BTBD9: variants seen among roughly 807,000 people sequenced by gnomAD.
BTBD9 encodes BTB/POZ domain-containing protein 9.
A neutral mutation model predicts 64.3 loss-of-function variants in BTBD9; 49 were observed. That is an observed-to-expected ratio of 0.76 (90% CI 0.61 to 0.97). BTBD9 has a LOEUF of 0.97. BTBD9 is among the 50% of genes least tolerant of loss of function. The pLI is 0.00. For synonymous variants in BTBD9, 260 were observed against 274.7 expected (o/e 0.95, Z 0.53); for missense variants, 598 against 762.1 (o/e 0.78, Z 2.53).
At chr6:38,545,472 T>C (rs187690565) in intron 6 of BTBD9, among the ~76,000 whole-genome samples, 12 of 152,108 alleles carry the variant, frequency 7.9e-5, no homozygotes, top group African/African-American at 2.6e-4. Context: ...AACACTGAAT[T>C]GCACACTTTA....
intron 6 of BTBD9, among the ~76,000 whole-genome samples, chr6:38,446,310 T>A (rs1769276286): frequency 1.3e-5 from 2 of 152,098 alleles, no homozygotes; most frequent in South Asian, 4.1e-4. Context: ...CAACTAGTTT[T>A]TTTTTTTTTA....
intron 6 of BTBD9, among the ~76,000 whole-genome samples, chr6:38,463,082 C>T (rs571590066): frequency 7.9e-5 from 12 of 152,312 alleles, no homozygotes; most frequent in Non-Finnish European, 1.0e-4. Flanking sequence ...AGGCATGAGC[C>T]GATGCGCCTG....
intron 6 of BTBD9, among the ~76,000 whole-genome samples, chr6:38,394,665 GGA>G (rs369270510): frequency 8.7e-4 from 131 of 150,260 alleles, no homozygotes; most frequent in South Asian, 6.3e-3. Flanking sequence ...AGTCTAGGGG[GGA>G]AAAAAAAAAA....
intron 6 of BTBD9, among the ~76,000 whole-genome samples, chr6:38,542,063 C>CTTG (rs1774305581): frequency 6.6e-6 from 1 of 152,174 alleles, no homozygotes; most frequent in Non-Finnish European, 1.5e-5. Flanking sequence ...TATGACTCTA[C>CTTG]AGCTGGACAG....
chr6:38,387,507 A>T (rs1766230646), intron 6 of BTBD9, among the ~76,000 whole-genome samples: 1 of 152,216 alleles, frequency 6.6e-6, no homozygotes, highest in African/African-American at 2.4e-5. Flanking sequence ...ACTGCACTCC[A>T]GCCTGGGCAA....
At chr6:38,299,543 G>A (rs892829191) in intron 7 of BTBD9, among the ~76,000 whole-genome samples, 135 of 152,180 alleles carry the variant, frequency 8.9e-4, no homozygotes, top group African/African-American at 3.0e-3. Flanking sequence ...TTTAATGATC[G>A]CCATTCTAAC....
At chr6:38,238,121 AC>A (rs1191969338) in intron 9 of BTBD9, among the ~76,000 whole-genome samples, 1 of 152,244 alleles carries the variant, frequency 6.6e-6, no homozygotes, top group Non-Finnish European at 1.5e-5. Flanking sequence ...AAAAAACAAA[AC>A]AAAATCAGCA....
At chr6:38,231,871 TA>T (rs1452700795) in intron 9 of BTBD9, among the ~76,000 whole-genome samples, 5 of 152,164 alleles carry the variant, frequency 3.3e-5, no homozygotes, top group Non-Finnish European at 7.3e-5. Flanking sequence ...ACACATAAAT[TA>T]AAATGCATTT....
intron 7 of BTBD9, among the ~76,000 whole-genome samples, chr6:38,333,101 C>A (rs541335701): frequency 2.6e-5 from 4 of 152,160 alleles, no homozygotes; most frequent in Non-Finnish European, 5.9e-5. Context: ...AGAAAGAAGG[C>A]AAAGGCATTC....
At chr6:38,321,675 C>T (rs1199964818) in intron 7 of BTBD9, among the ~76,000 whole-genome samples, 1 of 152,110 alleles carries the variant, frequency 6.6e-6, no homozygotes, top group African/African-American at 2.4e-5. Flanking sequence ...ACTCCTTAGA[C>T]AAGAAAATGA....
chr6:38,420,201 T>C (rs1767841555), intron 6 of BTBD9, among the ~76,000 whole-genome samples: 1 of 152,218 alleles, frequency 6.6e-6, no homozygotes, highest in African/African-American at 2.4e-5. Context: ...TCTGCATCAT[T>C]ACTATGATGA....
chr6:38,503,316 C>A (rs565383999), intron 6 of BTBD9, among the ~76,000 whole-genome samples: 3 of 152,106 alleles, frequency 2.0e-5, no homozygotes, highest in Non-Finnish European at 4.4e-5. Context: ...CTGCCCTCCC[C>A]CTTCTCTCCA....
chr6:38,183,559 CT>C (rs1445453955), intron 10 of BTBD9, among the ~76,000 whole-genome samples: 1 of 152,206 alleles, frequency 6.6e-6, no homozygotes, highest in African/African-American at 2.4e-5. Context: ...GAACCAGCTT[CT>C]AGAGCCTCCA....
intron 6 of BTBD9, among the ~76,000 whole-genome samples, chr6:38,458,601 G>T (rs1769927054): frequency 6.6e-6 from 1 of 152,188 alleles, no homozygotes; most frequent in Non-Finnish European, 1.5e-5. Context: ...AGAATAGACA[G>T]ATCCCTAACA....
intron 6 of BTBD9, among the ~76,000 whole-genome samples, chr6:38,476,361 T>G (rs1197126731): frequency 2.0e-5 from 3 of 152,210 alleles, no homozygotes; most frequent in Admixed American, 6.5e-5. Flanking sequence ...CATGTGCTTA[T>G]GAGCCAGCCT....
At chr6:38,637,167 G>GTGATTAAT (rs1738441554) in intron 1 of BTBD9, among the ~76,000 whole-genome samples, 1 of 152,124 alleles carries the variant, frequency 6.6e-6, no homozygotes, top group Non-Finnish European at 1.5e-5. Context: ...CATTCCAAAA[G>GTGATTAAT]TGATTAATTT....
chr6:38,563,340 T>G (rs1375911456), intron 6 of BTBD9, among the ~76,000 whole-genome samples: 1 of 152,172 alleles, frequency 6.6e-6, no homozygotes, highest in African/African-American at 2.4e-5. Flanking sequence ...TCACATAAGC[T>G]GAAGAACACA....
At chr6:38,525,186 C>T (rs1407435797) in intron 6 of BTBD9, among the ~76,000 whole-genome samples, 3 of 152,140 alleles carry the variant, frequency 2.0e-5, no homozygotes, top group East Asian at 1.9e-4. Flanking sequence ...GTTTCCCCTA[C>T]ACTGTTCTCA....
Position 38,333,959 on chromosome 6 carries a change from T to G in BTBD9, c.1264+11025A>C, listed in dbSNP as rs564879320. On this transcript the variant is annotated intron_variant, in intron 7 of 10. Transcript: ENST00000481247. ...AGGGAAGGCTTAGAAGTTCTTAGAC[T>G]TGTTAAATTGTTGTGACCAAAATGC... Among the ~76,000 whole-genome samples, 34 of 152,146 alleles carry G rather than the reference T, an allele frequency of 2.2e-4. 1 individual carries two copies. Among genetic ancestry groups the G allele is most frequent in the Non-Finnish European group, 3.5e-4 (24 of 68,008 alleles).
Sources: gnomAD v4.1 joint callset for allele counts (sites outside exome capture counted in the v4.1 genomes callset) on GRCh38, gnomAD v4.1.1 for gene constraint, MANE v1.5 for transcripts, NCBI Gene and HGNC (gene_info 2026-07-23, HGNC 2026-07-21) for gene names.